The following ZKSCAN5 variants were observed in gnomAD, a reference collection of about 807,000 sequenced individuals.
ZKSCAN5 encodes the protein zinc finger protein with KRAB and SCAN domains 5.
A neutral mutation model predicts 60.0 loss-of-function variants in ZKSCAN5; 28 were observed. The observed-to-expected ratio is 0.47, with a 90% CI of 0.35 to 0.64. The LOEUF (loss-of-function observed/expected upper bound fraction) is 0.64. Ranked by LOEUF, ZKSCAN5 falls within the 30% of genes least tolerant of loss-of-function variation. ZKSCAN5 has a pLI of 0.01. For synonymous variants in ZKSCAN5, 361 were observed against 371.2 expected (o/e 0.97, Z 0.31); for missense variants, 881 against 1,034.6 (o/e 0.85, Z 2.04).
rs1584198241 is a variant in ZKSCAN5 at position 99,526,062 on chromosome 7, A to G, written c.1022A>G (p.His341Arg). Reference protein sequence around the residue: ...ITDISPKQSTHGERGHRCSDC... With the variant: ...ITDISPKQSTRGERGHRCSDC... ...GACATCAGCCCTAAGCAAAGCACAC[A>G]TGGCGAGAGAGGGCACAGATGCAGC... Residue 341 changes from histidine (H) to arginine (R), a missense_variant, in exon 6 of 7, where the codon CAT becomes CGT. Physicochemically the swap from His to Arg is conservative, Grantham distance 29. Transcript: ENST00000326775. 6.2e-7 allele frequency: 1 copy of G among 1,614,204 alleles called. No homozygotes were observed. Among genetic ancestry groups the G allele is most frequent in the East Asian group, 2.2e-5 (1 of 44,880 alleles).
At chr7:99,514,155 A>T (rs1431485066) in intron 3 of ZKSCAN5, among the ~76,000 whole-genome samples, 1 of 152,222 alleles carries the variant, frequency 6.6e-6, no homozygotes, top group African/African-American at 2.4e-5. Context: ...ATACTGTGTG[A>T]TGAAGTCCTT....
Position 99,506,374 on chromosome 7 carries a change from G to A in ZKSCAN5, c.330G>A (p.Val110=), listed in dbSNP as rs1357118017. ...TGCCTGAAGAGTTCCAGCCCTGGGT[G>A]AGGGAACATCACCCTGAAAGTGGAG... ...TILPEEFQPW[V]REHHPESGEE... is the part of the protein sequence containing the mutation. The change falls in exon 2 of 7, where the codon GTG becomes GTA. Residue 110 remains valine (V), a synonymous_variant. Transcript: ENST00000326775. 7.4e-6 allele frequency: 12 copies of A among 1,614,122 alleles called. No individual in the cohort carries two copies. The highest frequency in any genetic ancestry group is 9.3e-6 in the Non-Finnish European group (11 of 1,180,052).
At chr7:99,525,569 T>A (rs1443068525) in intron 5 of ZKSCAN5, among the ~76,000 whole-genome samples, 1 of 152,074 alleles carries the variant, frequency 6.6e-6, no homozygotes, top group East Asian at 1.9e-4. Context: ...GAGGAGACCC[T>A]CTTCGTTCAG....
At chr7:99,515,523 G>C (rs750971267) in intron 3 of ZKSCAN5, among the ~76,000 whole-genome samples, 2 of 152,060 alleles carry the variant, frequency 1.3e-5, no homozygotes, top group Non-Finnish European at 2.9e-5. Flanking sequence ...AGCTGTTACT[G>C]TTATCCTTCT....
intron 6 of ZKSCAN5, among the ~76,000 whole-genome samples, chr7:99,528,322 C>A (rs981690499): frequency 6.6e-6 from 1 of 152,018 alleles, no homozygotes; most frequent in Non-Finnish European, 1.5e-5. Context: ...AAAAAGCAAT[C>A]GCTTTAAAAT....
chr7:99,505,926 GC>G (rs1280981368), intron 1 of ZKSCAN5, 78 bp from the exon 2 acceptor site: 228 of 1,214,494 alleles, frequency 1.9e-4, no homozygotes, highest in Non-Finnish European at 2.5e-4. Flanking sequence ...TAATAATGAT[GC>G]CCAATACATC....
intron 2 of ZKSCAN5, 127 bp from the exon 3 acceptor site, chr7:99,512,326 C>A: frequency 1.7e-6 from 2 of 1,203,994 alleles, no homozygotes; most frequent in Non-Finnish European, 2.3e-6. Flanking sequence ...ATAATCAGTG[C>A]GTGGCTCATT....
chr7:99,509,525 G>A (rs941383032), intron 2 of ZKSCAN5, among the ~76,000 whole-genome samples: 1 of 150,368 alleles, frequency 6.7e-6, no homozygotes, highest in Non-Finnish European at 1.5e-5. Flanking sequence ...GGAGTGCAGT[G>A]GCGTGATCTC....
Position 99,531,215 on chromosome 7 carries a change from C to G in ZKSCAN5, c.1486C>G (p.Gln496Glu), listed in dbSNP as rs779311944. 5 of 1,614,050 alleles carry G rather than the reference C, an allele frequency of 3.1e-6. No individual in the cohort carries two copies. Among genetic ancestry groups the G allele is most frequent in the Non-Finnish European group, 4.2e-6 (5 of 1,180,026 alleles). Residue 496 changes from glutamine to glutamate, a missense_variant, in exon 7 of 7, where the codon CAA becomes GAA. Gln to Glu is a conservative substitution (Grantham distance 29). Around this residue, in one of 5 missense-constraint regions of ZKSCAN5, gnomAD observed 490 missense variants for 554.5 expected, o/e 0.88. Transcript: ENST00000326775. ...TGGAAAAACCCAAAGAAATGTTTCTCAAGTTCAAGATTTTGGAGAAGGCTG... is the reference window on the plus strand; with the variant it reads ...TGGAAAAACCCAAAGAAATGTTTCTGAAGTTCAAGATTTTGGAGAAGGCTG... The part of the protein sequence containing the change: ...LSGKTQRNVS[Q>E]VQDFGEGCEF...
chr7:99,509,616 GCCA>G (rs890314945), intron 2 of ZKSCAN5, among the ~76,000 whole-genome samples: 9 of 151,074 alleles, frequency 6.0e-5, no homozygotes, highest in African/African-American at 2.2e-4. Context: ...ACAGGCACAC[GCCA>G]CCATGCCCGG....
At chr7:99,520,095 A>G in intron 4 of ZKSCAN5, 74 bp from the exon 5 acceptor site, 1 of 1,572,644 alleles carries the variant, frequency 6.4e-7, no homozygotes, top group South Asian at 1.2e-5. Flanking sequence ...TCTTTTCTTA[A>G]TGAGCCCAGT....
At chr7:99,506,497 G>C in intron 2 of ZKSCAN5, 39 bp downstream of exon 2, 5 of 1,555,312 alleles carry the variant, frequency 3.2e-6, no homozygotes, top group Non-Finnish European at 4.4e-6. Flanking sequence ...TGAAGGAGAG[G>C]AGTGAACCAT....
chr7:99,521,770 T>G (rs2151109109), intron 5 of ZKSCAN5, among the ~76,000 whole-genome samples: 1 of 152,174 alleles, frequency 6.6e-6, no homozygotes, highest in Non-Finnish European at 1.5e-5. Context: ...GCTTTAAAAT[T>G]ATTGATTAAA....
intron 6 of ZKSCAN5, among the ~76,000 whole-genome samples, chr7:99,526,985 T>C (rs936327145): frequency 1.3e-5 from 2 of 152,206 alleles, no homozygotes; most frequent in Admixed American, 6.5e-5. Context: ...GGCTCTCTTA[T>C]ATGCTTTTCT....
In ZKSCAN5 at chr7:99,525,996, G is replaced by T. The variant is rs751449914; in HGVS notation, c.956G>T (p.Arg319Met). 14 of 1,613,984 alleles carry T rather than the reference G, an allele frequency of 8.7e-6. No homozygotes were observed. The highest frequency in any genetic ancestry group is 1.2e-5 in the Non-Finnish European group (14 of 1,180,038). The change falls in exon 6 of 7, where the codon AGG becomes ATG. Residue 319 changes from arginine (R) to methionine (M), a missense_variant. By Grantham distance (91) the Arg-to-Met change is moderately conservative. Transcript: ENST00000326775. ...GTCAACCCCACTGTGGGGAAATCAAGGCAGAATCCTTCCCAGAAAAGGGAT... is the reference window on the plus strand; with the variant it reads ...GTCAACCCCACTGTGGGGAAATCAATGCAGAATCCTTCCCAGAAAAGGGAT... ...WQVNPTVGKSRQNPSQKRDLD... is the reference protein window; with the variant it reads ...WQVNPTVGKSMQNPSQKRDLD...
rs1206648120 is a variant in ZKSCAN5 at position 99,533,232 on chromosome 7, G to A, written c.*983G>A. On this transcript the variant is annotated 3_prime_UTR_variant, in exon 7 of 7. Coordinates refer to ENST00000326775, the MANE Select transcript of ZKSCAN5 (RefSeq NM_145102.4). ...ATGAGTTTCAGTTTGCATTGCAGCTGGGATTGAAAGTAATCAGTCGTGAGC... is the reference window on the plus strand; with the variant it reads ...ATGAGTTTCAGTTTGCATTGCAGCTAGGATTGAAAGTAATCAGTCGTGAGC... The A allele has an allele frequency of 4.4e-6, 3 of 681,716 alleles. No homozygotes were observed. The highest frequency in any genetic ancestry group is 8.1e-6 in the Non-Finnish European group (3 of 372,086). 42.2% of individuals were successfully genotyped at this position (681,716 alleles called of 1,614,324 possible). A position where few individuals can be genotyped will look rare whatever the true frequency, so the allele number is the denominator to read the frequency against.
At chr7:99,508,122 AC>A (rs1485239887) in intron 2 of ZKSCAN5, among the ~76,000 whole-genome samples, 1 of 151,212 alleles carries the variant, frequency 6.6e-6, no homozygotes, top group Non-Finnish European at 1.5e-5. Flanking sequence ...ACATGGTGAA[AC>A]CCCATCTCTA....
In ZKSCAN5 at chr7:99,525,801, C is replaced by T; in HGVS notation, c.773-12C>T. 1 of 1,579,834 alleles carries T rather than the reference C, an allele frequency of 6.3e-7. No homozygotes were observed. The highest frequency in any genetic ancestry group is 8.6e-7 in the Non-Finnish European group (1 of 1,161,298). ...AAAAGCTCATTTTTTAATTCTCCCT[C>T]TGTTATTTCAGGTTATGAGTCCAGG... On this transcript the variant is annotated splice_polypyrimidine_tract_variant and intron_variant, in intron 5 of 6. Transcript: ENST00000326775.
chr7:99,516,708 G>A (rs973636848), intron 3 of ZKSCAN5, among the ~76,000 whole-genome samples: 1 of 152,162 alleles, frequency 6.6e-6, no homozygotes, highest in African/African-American at 2.4e-5. Context: ...ATGTCCGGGT[G>A]TTGCGCATGC....
Sources: allele counts gnomAD v4.1 joint callset (sites outside exome capture counted in the v4.1 genomes callset), GRCh38; gene constraint gnomAD v4.1.1; regional missense constraint gnomAD v4.1.1; transcripts MANE v1.5; gene names NCBI Gene and HGNC (gene_info 2026-07-23, HGNC 2026-07-21).